The following PROSER2 variants were observed in gnomAD, a reference collection of about 807,000 sequenced individuals.
The protein encoded by PROSER2 is proline and serine rich 2.
PROSER2 carries 18 observed loss-of-function variants against 14.6 expected under a neutral mutation model. That is an observed-to-expected ratio of 1.23 (90% CI 0.85 to 1.83). The LOEUF is 1.83. Ranked by LOEUF, PROSER2 falls within the 40% of genes most tolerant of loss-of-function variation. The pLI is 0.00. For synonymous variants in PROSER2, 367 were observed against 286.4 expected, an observed-to-expected ratio of 1.28 and a Z score of -2.84; for missense variants, 823 against 629.8, an observed-to-expected ratio of 1.31 and a Z score of -3.28.
intron 1 of PROSER2, among the ~76,000 whole-genome samples, chr10:11,833,679 G>A (rs956925567): frequency 1.3e-5 from 2 of 152,170 alleles, no homozygotes; most frequent in African/African-American, 2.4e-5. Context: ...TGACAAGAGT[G>A]AGGCTCCATC....
intron 2 of PROSER2, among the ~76,000 whole-genome samples, chr10:11,864,682 A>G (rs534841270): frequency 5.4e-5 from 8 of 149,002 alleles, no homozygotes; most frequent in Non-Finnish European, 1.2e-4. Context: ...TCTGCCTCCC[A>G]GGTTCAAGTG....
intron 2 of PROSER2, among the ~76,000 whole-genome samples, chr10:11,857,693 C>T (rs554512927): frequency 4.2e-5 from 6 of 142,020 alleles, no homozygotes; most frequent in East Asian, 2.1e-4. Context: ...TGCAGTGAGC[C>T]GAGATCGCAC....
rs996626351 is a variant in PROSER2, at chr10:11,865,049, A to C, written c.139-1482A>C. Among the ~76,000 whole-genome samples, 1 of 152,060 alleles carries C rather than the reference A, an allele frequency of 6.6e-6. No homozygotes were observed. The highest frequency in any genetic ancestry group is 2.4e-5 in the African/African-American group (1 of 41,394). On this transcript the variant is annotated intron_variant, in intron 2 of 3. Transcript: ENST00000277570. The surrounding 1 kb of genome is among the most constrained non-coding windows in gnomAD (Gnocchi z 4.2). The stretch of plus-strand genomic sequence containing the variant: ...AGGTTGTACACTAAGGACCCCTTTC[A>C]GTTTGGAAACTCACCTGTTCCTGTT...
chr10:11,857,614 G>A (rs916724398), intron 2 of PROSER2, among the ~76,000 whole-genome samples: 4 of 151,928 alleles, frequency 2.6e-5, no homozygotes, highest in African/African-American at 7.3e-5. Context: ...GCGTGGTGAC[G>A]CGTGCCTGTA....
At chr10:11,857,143 C>T (rs1834137019) in intron 2 of PROSER2, 1 of 152,106 alleles carries the variant, frequency 6.6e-6, no homozygotes, top group Admixed American at 6.6e-5. Flanking sequence ...AGTGACGAGG[C>T]AGCCATGGAG....
intron 3 of PROSER2, among the ~76,000 whole-genome samples, chr10:11,867,623 CAAAA>C (rs1834378903): frequency 6.6e-6 from 1 of 152,050 alleles, no homozygotes; most frequent in Non-Finnish European, 1.5e-5. Flanking sequence ...GACCCTGTCT[CAAAA>C]AAAGAAAGAG....
At chr10:11,828,131 C>A (rs2131043588) in intron 1 of PROSER2, among the ~76,000 whole-genome samples, 1 of 152,222 alleles carries the variant, frequency 6.6e-6, no homozygotes, top group East Asian at 1.9e-4. Context: ...AGGGTTCACC[C>A]TTCACCCTTC....
At chr10:11,848,399 C>T (rs1388903420) in intron 1 of PROSER2, among the ~76,000 whole-genome samples, 1 of 152,196 alleles carries the variant, frequency 6.6e-6, no homozygotes, top group African/African-American at 2.4e-5. Flanking sequence ...GAACTCCTGA[C>T]CTCAGGTGAT....
rs1834263094 is a variant in PROSER2, at chr10:11,862,454, AGCTGAG to A, written c.139-4074_139-4069del. ...TGCCTACAATAACACCACTTTGGGAAGCTGAGGCCAGAGGACTGCCTGAGCCCAGGA... is the reference window on the plus strand; with the variant it reads ...TGCCTACAATAACACCACTTTGGGAAGCCAGAGGACTGCCTGAGCCCAGGA... On this transcript the variant is annotated intron_variant, in intron 2 of 3. Transcript: ENST00000277570. The surrounding 1 kb of genome is among the most constrained non-coding windows in gnomAD (Gnocchi z 4.2). Among the ~76,000 whole-genome samples, 1 of 152,206 alleles carries A rather than the reference AGCTGAG, an allele frequency of 6.6e-6. No individual in the cohort carries two copies. Among genetic ancestry groups the A allele is most frequent in the African/African-American group, 2.4e-5 (1 of 41,448 alleles).
At chr10:11,848,997 G>A (rs1049743633) in intron 1 of PROSER2, among the ~76,000 whole-genome samples, 2 of 152,046 alleles carry the variant, frequency 1.3e-5, no homozygotes, top group African/African-American at 4.8e-5. Flanking sequence ...GACCATCCTG[G>A]CCAACATGGT....
At chr10:11,844,417 C>G (rs1240822878) in intron 1 of PROSER2, among the ~76,000 whole-genome samples, 2 of 152,136 alleles carry the variant, frequency 1.3e-5, no homozygotes, top group African/African-American at 4.8e-5. Context: ...TCACTTCTAC[C>G]CCTCACGCCC....
Position 11,840,955 on chromosome 10 carries a change from AATATATATATATATATATAT to A in PROSER2, c.-81-11025_-81-11006del, listed in dbSNP as rs1305528836. On this transcript the variant is annotated intron_variant, in intron 1 of 3. Transcript: ENST00000277570. ...AAAAAAAAAAAAAAAAAAAAAAAAAAATATATATATATATATATATATATATATATATATATGATGGTGGG... is the reference window on the plus strand; with the variant it reads ...AAAAAAAAAAAAAAAAAAAAAAAAAAATATATATATATATATGATGGTGGG... Among the ~76,000 whole-genome samples the A allele has an allele frequency of 9.5e-3, 179 of 18,876 alleles. 2 individuals are homozygous for A. Among genetic ancestry groups the A allele is most frequent in the Non-Finnish European group, 0.012 (136 of 11,124 alleles). 12.4% of individuals were successfully genotyped at this position (18,876 alleles called of 152,430 possible).
At chr10:11,829,869 A>G (rs1482822279) in intron 1 of PROSER2, among the ~76,000 whole-genome samples, 2 of 123,054 alleles carry the variant, frequency 1.6e-5, no homozygotes, top group African/African-American at 6.3e-5. Context: ...TTTTAGACCA[A>G]GTCTCGCTCT....
rs1358988864 is a variant in PROSER2, at chr10:11,870,663, A to T, written c.*257A>T. 1 of 398,076 alleles carries T rather than the reference A, an allele frequency of 2.5e-6. No homozygotes were observed. Among genetic ancestry groups the T allele is most frequent in the Non-Finnish European group, 4.6e-6 (1 of 215,556 alleles). 24.7% of individuals were successfully genotyped at this position (398,076 alleles called of 1,614,324 possible). ...CTTGTCTCCCTTTTCCCAAGAACTGAGAGAGAGAGAATAACCTGTTAGACC... is the reference window on the plus strand; with the variant it reads ...CTTGTCTCCCTTTTCCCAAGAACTGTGAGAGAGAGAATAACCTGTTAGACC... On this transcript the variant is annotated 3_prime_UTR_variant, in exon 4 of 4. Transcript: ENST00000277570.
rs1221566478 is a variant in PROSER2 at position 11,872,277 on chromosome 10, A to C, written c.*1871A>C. The C allele has an allele frequency of 6.6e-6, 1 of 150,632 alleles. No individual in the cohort carries two copies. 9.3% of individuals were successfully genotyped at this position (150,632 alleles called of 1,614,324 possible). A position where few individuals can be genotyped will look rare whatever the true frequency, so the allele number is the denominator to read the frequency against. ...AAATAAATTTAAGAGTTTTTTCTTA[A>C]GTAAGCTTGTTTTTGCATTGCATGC... On this transcript the variant is annotated 3_prime_UTR_variant, in exon 4 of 4. Transcript: ENST00000277570.
chr10:11,866,907 A>G lies in PROSER2; in HGVS notation c.391+124A>G. 1 of 1,139,662 alleles carries G rather than the reference A, an allele frequency of 8.8e-7. No homozygotes were observed. Among genetic ancestry groups the G allele is most frequent in the Non-Finnish European group, 1.2e-6 (1 of 825,934 alleles). The allele number at this position is 1,139,662 out of a possible 1,614,324, so 70.6% of individuals were successfully genotyped here. On this transcript the variant is annotated intron_variant, in intron 3 of 3. Transcript: ENST00000277570. The surrounding 1 kb of genome is among the most constrained non-coding windows in gnomAD (Gnocchi z 6.0). ...TTGTTGAGTCTTACCAGATTTTTAT[A>G]GGGGAAAATACTCCTTGGCAGTTTC... is the stretch of plus-strand genomic sequence containing the variant.
Position 11,866,512 on chromosome 10 carries a change from C to T in PROSER2, c.139-19C>T, listed in dbSNP as rs1834350870. ...CAGTGTTTGTTTTCTCTCTTCTGTT[C>T]CCAATCCCTGTACTCTAGGATGATG... On this transcript the variant is annotated intron_variant, in intron 2 of 3. Coordinates refer to ENST00000277570, the MANE Select transcript of PROSER2 (RefSeq NM_153256.4). The surrounding 1 kb of genome is among the most constrained non-coding windows in gnomAD (Gnocchi z 6.0). The T allele has an allele frequency of 6.2e-7, 1 of 1,612,292 alleles. No homozygotes were observed. The highest frequency in any genetic ancestry group is 8.5e-7 in the Non-Finnish European group (1 of 1,178,970).
At chr10:11,855,268 T>A (rs1449883641) in intron 2 of PROSER2, among the ~76,000 whole-genome samples, 2 of 151,006 alleles carry the variant, frequency 1.3e-5, no homozygotes, top group African/African-American at 2.4e-5. Flanking sequence ...GGTCAGGAGA[T>A]TGAGACCATC....
At chr10:11,852,684 A>ATTTTTTTTTTTTTTTT (rs33939695) in intron 2 of PROSER2, among the ~76,000 whole-genome samples, 1 of 98,024 alleles carries the variant, frequency 1.0e-5, no homozygotes. Flanking sequence ...ACACCCGGCT[A>ATTTTTTTTTTTTTTTT]TTTTTTTTTT....
Sources: gnomAD v4.1 joint callset for allele counts (sites outside exome capture counted in the v4.1 genomes callset) on GRCh38, gnomAD v4.1.1 for gene constraint, Gnocchi (gnomAD v3.1) non-coding constraint, MANE v1.5 for transcripts, NCBI Gene and HGNC (gene_info 2026-07-23, HGNC 2026-07-21) for gene names.